Variants in PTPRD observed in about 807,000 individuals in gnomAD.
PTPRD encodes receptor-type tyrosine-protein phosphatase delta.
PTPRD carries 34 observed loss-of-function variants against 214.5 expected under a neutral mutation model. That is an observed-to-expected ratio of 0.16 (90% CI 0.12 to 0.21). PTPRD has a LOEUF of 0.21. PTPRD is among the 10% of genes least tolerant of loss of function. PTPRD has a pLI of 1.00. For synonymous variants in PTPRD, 1,128 were observed against 845.7 expected (o/e 1.33, Z -5.79); for missense variants, 2,545 against 2,398.7 (o/e 1.06, Z -1.27).
intron 4 of PTPRD, among the ~76,000 whole-genome samples, chr9:9,947,492 T>A (rs1348591082): frequency 1.7e-4 from 6 of 35,638 alleles, no homozygotes; most frequent in South Asian, 7.4e-4. Context: ...TTATATATAT[T>A]ATATATATTT....
intron 7 of PTPRD, among the ~76,000 whole-genome samples, chr9:9,720,587 G>A (rs561739597): frequency 4.6e-5 from 7 of 152,216 alleles, no homozygotes; most frequent in South Asian, 4.1e-4. Flanking sequence ...ACCTCCATAC[G>A]TGAATCTAAA....
intron 2 of PTPRD, among the ~76,000 whole-genome samples, chr9:10,432,491 G>C (rs1313081609): frequency 6.6e-6 from 1 of 151,648 alleles, no homozygotes; most frequent in Non-Finnish European, 1.5e-5. Flanking sequence ...ATTTATCCTA[G>C]TTTTTCTCCT....
At chr9:9,901,415 T>G (rs1566131554) in intron 5 of PTPRD, among the ~76,000 whole-genome samples, 1 of 145,464 alleles carries the variant, frequency 6.9e-6, no homozygotes, top group African/African-American at 2.7e-5. Flanking sequence ...TCTTAAAAAA[T>G]GCATTGCAAA....
At chr9:8,524,719 A>C (rs2097972123) in intron 18 of PTPRD, 2 of 702,124 alleles carry the variant, frequency 2.8e-6, no homozygotes, top group Non-Finnish European at 5.2e-6. Context: ...TCCAAGCCTC[A>C]GGACAGATTA....
chr9:8,372,565 T>C (rs12335970), intron 39 of PTPRD, among the ~76,000 whole-genome samples: 3,305 of 152,136 alleles, frequency 0.022, 129 homozygotes, highest in African/African-American at 0.074. Context: ...CTCCAGAGTG[T>C]GTACTCTCAA....
At chr9:8,925,531 AACC>A (rs2098873445) in intron 11 of PTPRD, among the ~76,000 whole-genome samples, 1 of 151,678 alleles carries the variant, frequency 6.6e-6, no homozygotes, top group Non-Finnish European at 1.5e-5. Flanking sequence ...AAACAAAAAA[AACC>A]AACTACAAGT....
At position 10,096,752 on chromosome 9, in the gene PTPRD, C is replaced by A. The variant is rs1172752123; in HGVS notation, c.-544-62962G>T. Among the ~76,000 whole-genome samples, 5 of 152,072 alleles carry A rather than the reference C, an allele frequency of 3.3e-5. No homozygotes were observed. The East Asian group carries it at 7.8e-4, about 24-fold the overall frequency. ...GAAGCTCTTTAGTTTAATTAGATCC[C>A]ATTTATCAATTTTGGCTTTTGTTGC... On this transcript the variant is annotated intron_variant, in intron 3 of 45. Transcript: ENST00000381196.
intron 8 of PTPRD, among the ~76,000 whole-genome samples, chr9:9,557,149 C>A (rs1419169311): frequency 1.3e-5 from 2 of 152,136 alleles, no homozygotes; most frequent in East Asian, 3.9e-4. Flanking sequence ...ATAGCTCCCG[C>A]AATTGACTTG....
chr9:10,397,510 G>T (rs1462800594), intron 2 of PTPRD, among the ~76,000 whole-genome samples: 1 of 151,996 alleles, frequency 6.6e-6, no homozygotes, highest in East Asian at 1.9e-4. Flanking sequence ...AATTGACACA[G>T]TTTTAAAATT....
At chr9:9,143,894 C>T (rs148429560) in intron 10 of PTPRD, among the ~76,000 whole-genome samples, 37 of 152,334 alleles carry the variant, frequency 2.4e-4, no homozygotes, top group African/African-American at 6.0e-4. Flanking sequence ...TCCTCTTACA[C>T]GTAATACCTC....
At chr9:10,374,199 G>A (rs1323923375) in intron 2 of PTPRD, among the ~76,000 whole-genome samples, 1 of 152,062 alleles carries the variant, frequency 6.6e-6, no homozygotes, top group African/African-American at 2.4e-5. Context: ...TCATCAAAAT[G>A]ACTCTTGAAT....
chr9:8,624,863 A>G (rs1173754003), intron 14 of PTPRD, among the ~76,000 whole-genome samples: 1 of 151,690 alleles, frequency 6.6e-6, no homozygotes, highest in Non-Finnish European at 1.5e-5. Context: ...CTTGACTCTC[A>G]ATCACGCTCT....
At chr9:8,665,149 C>G (rs778590025) in intron 12 of PTPRD, among the ~76,000 whole-genome samples, 34 of 152,144 alleles carry the variant, frequency 2.2e-4, no homozygotes, top group Non-Finnish European at 1.2e-4. Context: ...GGTTCTTTCA[C>G]AAGCAGTTTT....
At chr9:9,562,371 C>T (rs150886785) in intron 8 of PTPRD, among the ~76,000 whole-genome samples, 147 of 152,280 alleles carry the variant, frequency 9.7e-4, no homozygotes, top group Middle Eastern at 3.4e-3. Flanking sequence ...ATCTGCATTA[C>T]GGTAGCCTTT....
intron 7 of PTPRD, among the ~76,000 whole-genome samples, chr9:9,639,614 T>C (rs564218523): frequency 6.6e-6 from 1 of 152,312 alleles, no homozygotes; most frequent in African/African-American, 2.4e-5. Context: ...AATGATTTTA[T>C]AAATAAAATT....
At chr9:10,154,249 TG>T (rs1448611832) in intron 3 of PTPRD, among the ~76,000 whole-genome samples, 8 of 152,182 alleles carry the variant, frequency 5.3e-5, no homozygotes, top group Non-Finnish European at 1.0e-4. Flanking sequence ...TTTATATGGT[TG>T]TTGGCTGCAT....
intron 14 of PTPRD, among the ~76,000 whole-genome samples, chr9:8,556,182 C>G (rs1241713040): frequency 6.6e-6 from 1 of 152,176 alleles, no homozygotes; most frequent in Non-Finnish European, 1.5e-5. Context: ...AAGGTCTCTT[C>G]AATGAAATGC....
intron 5 of PTPRD, among the ~76,000 whole-genome samples, 167 bp from the exon 6 acceptor site, chr9:9,767,018 T>C (rs1054734607): frequency 2.6e-5 from 4 of 151,842 alleles, no homozygotes; most frequent in African/African-American, 9.7e-5. Context: ...TTTTTTTTAA[T>C]TAAAGCACAT....
intron 2 of PTPRD, among the ~76,000 whole-genome samples, chr9:10,534,766 G>C (rs1213980297): frequency 6.6e-6 from 1 of 152,126 alleles, no homozygotes; most frequent in Admixed American, 6.6e-5. Context: ...CTGCATTTCT[G>C]CTTCAATTTG....
Sources: gnomAD v4.1 joint callset for allele counts (sites outside exome capture counted in the v4.1 genomes callset) on GRCh38, gnomAD v4.1.1 for gene constraint, MANE v1.5 for transcripts, NCBI Gene and HGNC (gene_info 2026-07-23, HGNC 2026-07-21) for gene names.